SLC1A3: variants seen among roughly 807,000 people sequenced by gnomAD.
SLC1A3 encodes solute carrier family 1 member 3.
A neutral mutation model predicts 48.1 loss-of-function variants in SLC1A3; 21 were observed. That is an observed-to-expected ratio of 0.44 (90% CI 0.31 to 0.63). SLC1A3 has a LOEUF of 0.63. Among genes scored for constraint, SLC1A3 ranks in the 20% least tolerant of loss-of-function variants. SLC1A3 has a pLI of 0.08. For missense variants in SLC1A3, 546 were observed against 689.0 expected (o/e 0.79, Z 2.32); for synonymous variants, 239 against 251.4 (o/e 0.95, Z 0.47).
At chr5:36,626,381 T>C (rs1739904178) in intron 2 of SLC1A3, among the ~76,000 whole-genome samples, 2 of 152,214 alleles carry the variant, frequency 1.3e-5, no homozygotes, top group Non-Finnish European at 2.9e-5. Flanking sequence ...ATGGACTAGA[T>C]AGTATCCTGC....
At chr5:36,639,897 A>C (rs993019940) in intron 3 of SLC1A3, among the ~76,000 whole-genome samples, 1 of 152,214 alleles carries the variant, frequency 6.6e-6, no homozygotes, top group Admixed American at 6.5e-5. Context: ...ATTTGAATAG[A>C]CTTCTAAACT....
intron 3 of SLC1A3, among the ~76,000 whole-genome samples, chr5:36,644,876 G>T (rs751522966): frequency 6.6e-6 from 1 of 152,190 alleles, no homozygotes; most frequent in South Asian, 2.1e-4. Context: ...TGAGGTGGTT[G>T]GTGGTGAGGG....
intron 3 of SLC1A3, among the ~76,000 whole-genome samples, chr5:36,657,096 A>T (rs191126390): frequency 6.6e-6 from 1 of 152,176 alleles, no homozygotes; most frequent in Non-Finnish European, 1.5e-5. Context: ...CTCTGCCCAA[A>T]TGATATGACA....
intron 3 of SLC1A3, among the ~76,000 whole-genome samples, chr5:36,659,717 CA>C (rs1192711406): frequency 2.0e-5 from 3 of 152,148 alleles, no homozygotes; most frequent in Non-Finnish European, 4.4e-5. Context: ...TTGTTTAGGC[CA>C]GTTTCACAAT....
In SLC1A3 at chr5:36,671,078, T is replaced by G. The variant is rs750836145; in HGVS notation, c.369T>G (p.Ala123=). ...SKASGKMGMR[A]VVYYMTTTII... ...CATCAGGGAAGATGGGAATGCGAGC[T>G]GTAGTCTATTATATGACTACCACCA... Residue 123 remains alanine (A), a synonymous_variant, in exon 4 of 10, where the codon GCT becomes GCG. Transcript: ENST00000265113. The G allele has an allele frequency of 6.2e-7, 1 of 1,614,012 alleles. No individual in the cohort carries two copies. The highest frequency in any genetic ancestry group is 1.1e-5 in the South Asian group (1 of 91,084).
intron 3 of SLC1A3, among the ~76,000 whole-genome samples, chr5:36,661,182 C>T (rs773495431): frequency 1.1e-4 from 16 of 152,312 alleles, no homozygotes; most frequent in Middle Eastern, 3.4e-3. Flanking sequence ...GAGGTCCAGG[C>T]GGGCGGATCA....
At chr5:36,632,525 T>C (rs1413163660) in intron 3 of SLC1A3, among the ~76,000 whole-genome samples, 2 of 152,204 alleles carry the variant, frequency 1.3e-5, no homozygotes, top group African/African-American at 2.4e-5. Context: ...AACTGCATTG[T>C]GTAGTAGCCA....
chr5:36,610,323 C>A (rs546298491), intron 2 of SLC1A3, among the ~76,000 whole-genome samples: 1 of 152,156 alleles, frequency 6.6e-6, no homozygotes, highest in African/African-American at 2.4e-5. Context: ...ATGATTTACC[C>A]GGTTACCTCA....
intron 3 of SLC1A3, among the ~76,000 whole-genome samples, chr5:36,648,269 C>T (rs2111835371): frequency 6.6e-6 from 1 of 152,176 alleles, no homozygotes; most frequent in Middle Eastern, 3.4e-3. Context: ...CCACTCTGGG[C>T]AACAAACTTA....
chr5:36,655,327 G>A (rs775229838), intron 3 of SLC1A3, among the ~76,000 whole-genome samples: 5 of 152,196 alleles, frequency 3.3e-5, no homozygotes, highest in African/African-American at 7.2e-5. Context: ...CCTCAGCCTC[G>A]GCTTGGTCAA....
intron 1 of SLC1A3, among the ~76,000 whole-genome samples, chr5:36,599,508 C>CTTTTTTCTTTT (rs1738781674): frequency 1.3e-5 from 1 of 78,286 alleles, no homozygotes; most frequent in African/African-American, 5.3e-5. Context: ...TACGGTTGAA[C>CTTTTTTCTTTT]TTTTTTTTTT....
At chr5:36,663,442 T>C (rs1055720519) in intron 3 of SLC1A3, among the ~76,000 whole-genome samples, 8 of 136,428 alleles carry the variant, frequency 5.9e-5, no homozygotes, top group Non-Finnish European at 1.1e-4. Context: ...GGGGTCCCCA[T>C]GTTGGCCAGG....
rs541379163 is a variant in SLC1A3, at chr5:36,664,428, C to T, written c.320-6601C>T. On this transcript the variant is annotated intron_variant, in intron 3 of 9. Coordinates refer to ENST00000265113, the MANE Select transcript of SLC1A3 (RefSeq NM_004172.5). ...AATTACAGGTTTGAGCCACCATGCC[C>T]GGCCCATTGGCTCCTTTTTAAAGCC... 3.4e-3 allele frequency among the ~76,000 whole-genome samples: 144 copies of T among 42,448 alleles called. 1 individual carries two copies. Among genetic ancestry groups the T allele is most frequent in the African/African-American group, 4.9e-3 (134 of 27,612 alleles). 27.8% of individuals were successfully genotyped at this position (42,448 alleles called of 152,430 possible). A position where few individuals can be genotyped will look rare whatever the true frequency, so the allele number is the denominator to read the frequency against.
At chr5:36,630,972 G>A (rs1440459111) in intron 3 of SLC1A3, among the ~76,000 whole-genome samples, 2 of 152,192 alleles carry the variant, frequency 1.3e-5, no homozygotes, top group African/African-American at 4.8e-5. Context: ...ATGCTGACAT[G>A]AGGGCACATG....
At chr5:36,658,422 G>A (rs1411876232) in intron 3 of SLC1A3, among the ~76,000 whole-genome samples, 1 of 152,026 alleles carries the variant, frequency 6.6e-6, no homozygotes, top group Non-Finnish European at 1.5e-5. Flanking sequence ...AGGTTGGTGA[G>A]CATCTGAAAA....
intron 3 of SLC1A3, among the ~76,000 whole-genome samples, chr5:36,641,613 T>A (rs1234032005): frequency 6.6e-6 from 1 of 152,206 alleles, no homozygotes; most frequent in Non-Finnish European, 1.5e-5. Flanking sequence ...ACTGGAATCT[T>A]GCCATTTCTT....
chr5:36,660,786 G>T (rs1478913249), intron 3 of SLC1A3, among the ~76,000 whole-genome samples: 1 of 152,220 alleles, frequency 6.6e-6, no homozygotes. Flanking sequence ...GCTTTTAAAT[G>T]CTGAGAAAAC....
chr5:36,677,267 C>T (rs113797526), intron 6 of SLC1A3, 83 bp downstream of exon 6: 33 of 1,275,100 alleles, frequency 2.6e-5, no homozygotes, highest in African/African-American at 8.8e-5. Context: ...GAAGGTGCCA[C>T]GAGGCAGGAT....
chr5:36,660,821 G>A (rs987881645), intron 3 of SLC1A3, among the ~76,000 whole-genome samples: 4 of 152,300 alleles, frequency 2.6e-5, no homozygotes, highest in African/African-American at 7.2e-5. Flanking sequence ...AGGGGGTGCC[G>A]TTGGCCACAG....
Sources: allele counts gnomAD v4.1 joint callset (sites outside exome capture counted in the v4.1 genomes callset), GRCh38; gene constraint gnomAD v4.1.1; transcripts MANE v1.5; gene names NCBI Gene and HGNC (gene_info 2026-07-23, HGNC 2026-07-21).